Variants in RAB11FIP3 observed in about 807,000 individuals in gnomAD.
RAB11FIP3 encodes the protein rab11 family-interacting protein 3.
In RAB11FIP3, 17 loss-of-function variants were observed where a neutral mutation model predicts 77.8. The observed-to-expected ratio is 0.22, with a 90% CI of 0.15 to 0.33. The LOEUF (loss-of-function observed/expected upper bound fraction) is 0.33. Among genes scored for constraint, RAB11FIP3 ranks in the 10% least tolerant of loss-of-function variants. The pLI, the probability that RAB11FIP3 is intolerant of heterozygous loss-of-function variation, is 1.00. For missense variants in RAB11FIP3, 1,005 were observed against 1,011.2 expected (o/e 0.99, Z 0.08); for synonymous variants, 437 against 448.2 (o/e 0.98, Z 0.31).
At chr16:443,221 T>C (rs1419672893) in intron 1 of RAB11FIP3, among the ~76,000 whole-genome samples, 3 of 152,146 alleles carry the variant, frequency 2.0e-5, no homozygotes, top group African/African-American at 4.8e-5. Context: ...AGGAGGAGTC[T>C]TGGCATTTGG....
In RAB11FIP3 at chr16:520,770, G is replaced by A. The variant is rs138947628; in HGVS notation, c.2202G>A (p.Leu734=). Residue 734 remains leucine, a synonymous_variant, in exon 14 of 14, where the codon CTG becomes CTA. Coordinates refer to ENST00000262305, the MANE Select transcript of RAB11FIP3 (RefSeq NM_014700.4). ...IQKQEEINFR[L]QDYIDRIIVA... ...AGCAGGAGGAGATCAACTTCCGCCT[G>A]CAGGACTACATCGACAGGATCATCG... The A allele has an allele frequency of 1.2e-4, 192 of 1,613,708 alleles. No individual in the cohort carries two copies. The highest frequency in any genetic ancestry group is 1.5e-4 in the Non-Finnish European group (181 of 1,180,042).
At position 520,708 on chromosome 16, in the gene RAB11FIP3, C is replaced by T. The variant is rs1401143951; in HGVS notation, c.2158-18C>T. 4 of 1,613,312 alleles carry T rather than the reference C, an allele frequency of 2.5e-6. No homozygotes were observed. The highest frequency in any genetic ancestry group is 3.4e-6 in the Non-Finnish European group (4 of 1,179,810). ...GTGGCCCATGCGCCTCAGCTCTGAC[C>T]ACCTGCTTGCCCTACAGCTCATGGA... On this transcript the variant is annotated intron_variant, in intron 13 of 13. Coordinates refer to ENST00000262305, the MANE Select transcript of RAB11FIP3 (RefSeq NM_014700.4).
chr16:462,665 G>GTCCCTTCCCCAGCACCA (rs2055630579), intron 2 of RAB11FIP3, among the ~76,000 whole-genome samples: 1 of 30,228 alleles, frequency 3.3e-5, no homozygotes, highest in African/African-American at 1.4e-4. Context: ...CCGCAGCACC[G>GTCCCTTCCCCAGCACCA]TCCCTTCCCC....
At chr16:498,548 T>A (rs1030572875) in intron 6 of RAB11FIP3, among the ~76,000 whole-genome samples, 9 of 152,138 alleles carry the variant, frequency 5.9e-5, no homozygotes, top group Non-Finnish European at 1.3e-4. Flanking sequence ...ACAGTCTTGC[T>A]CTGTCTTGCT....
At chr16:431,778 A>T (rs1203082636) in intron 1 of RAB11FIP3, among the ~76,000 whole-genome samples, 2 of 148,678 alleles carry the variant, frequency 1.3e-5, no homozygotes, top group Admixed American at 6.7e-5. Flanking sequence ...TTTTTTTGAG[A>T]TGGAGTCTCG....
In RAB11FIP3 at chr16:425,895, C is replaced by A. The variant is rs1289799731; in HGVS notation, c.-112C>A. On this transcript the variant is annotated 5_prime_UTR_variant, in exon 1 of 14. Coordinates refer to ENST00000262305, the MANE Select transcript of RAB11FIP3 (RefSeq NM_014700.4). ...CGAGCGCCAGCCCCAGCAGCCCGGG[C>A]GCCCCGCGCGCGCCCGCCCGCGCCG... 4.7e-6 allele frequency: 1 copy of A among 214,276 alleles called. No homozygotes were observed. Among genetic ancestry groups the A allele is most frequent in the Non-Finnish European group, 8.1e-6 (1 of 123,314 alleles). The allele number at this position is 214,276 out of a possible 1,614,324, so 13.3% of individuals were successfully genotyped here.
chr16:489,577 C>T (rs2029985273), intron 5 of RAB11FIP3, among the ~76,000 whole-genome samples: 3 of 152,276 alleles, frequency 2.0e-5, no homozygotes, highest in African/African-American at 4.8e-5. Context: ...CCCTCTAGGA[C>T]GCTCCTGACT....
At chr16:482,879 C>T (rs2056074957) in intron 4 of RAB11FIP3, 143 bp downstream of exon 4, 2 of 872,988 alleles carry the variant, frequency 2.3e-6, no homozygotes, top group Non-Finnish European at 3.5e-6. Context: ...CCTGCAGTAG[C>T]TCCTGACCTT....
intron 5 of RAB11FIP3, among the ~76,000 whole-genome samples, chr16:492,509 C>T (rs1366709130): frequency 8.4e-6 from 1 of 119,576 alleles, no homozygotes; most frequent in Non-Finnish European, 2.0e-5. Flanking sequence ...CGAGGCCGCC[C>T]AGGGCCCTCC....
chr16:429,524 C>G (rs1273219461), intron 1 of RAB11FIP3, among the ~76,000 whole-genome samples: 1 of 149,414 alleles, frequency 6.7e-6, no homozygotes, highest in Non-Finnish European at 1.5e-5. Context: ...GAGATGGAGT[C>G]TCGCCTGCTC....
At chr16:440,644 C>T (rs1202221907) in intron 1 of RAB11FIP3, among the ~76,000 whole-genome samples, 1 of 152,236 alleles carries the variant, frequency 6.6e-6, no homozygotes, top group African/African-American at 2.4e-5. Context: ...GTCAGTGATG[C>T]ATCTTCCTCA....
intron 5 of RAB11FIP3, chr16:491,165 A>G (rs2030148925): frequency 1.5e-6 from 2 of 1,303,918 alleles, no homozygotes; most frequent in South Asian, 2.5e-5. Context: ...GCTGCACAGC[A>G]TCCTCACTGA....
chr16:492,394 C>CCCCGGAGACCCGAGGCCGCCCAGAGCCCT (rs2030468698), intron 5 of RAB11FIP3, among the ~76,000 whole-genome samples: 1 of 32,120 alleles, frequency 3.1e-5, no homozygotes, highest in Non-Finnish European at 6.7e-5. Context: ...CCAGAGCCCT[C>CCCCGGAGACCCGAGGCCGCCCAGAGCCCT]CCCGGGAGAC....
rs2032756030 is a variant in RAB11FIP3, at chr16:522,864, A to AAG, written c.*2028_*2029dup. ...GTCAAAACGTCCCCGGGATTAAGAG[A>AAG]AGAGTGGGGGGCAGGGCGCAGAGGC... On this transcript the variant is annotated 3_prime_UTR_variant, in exon 14 of 14. Transcript: ENST00000262305. 6.6e-6 allele frequency: 1 copy of AAG among 152,228 alleles called. No homozygotes were observed. Among genetic ancestry groups the AAG allele is most frequent in the Non-Finnish European group, 1.5e-5 (1 of 68,104 alleles). 9.4% of individuals were successfully genotyped at this position (152,228 alleles called of 1,614,324 possible). A position where few individuals can be genotyped will look rare whatever the true frequency, so the allele number is the denominator to read the frequency against.
In RAB11FIP3 at chr16:521,973, C is replaced by T. The variant is rs1007342709; in HGVS notation, c.*1134C>T. ...AGGACCGCGGGCCTGCCCCAACCCC[C>T]AGCATTCCCGGGTGGGCCCAGACCC... On this transcript the variant is annotated 3_prime_UTR_variant, in exon 14 of 14. Coordinates refer to ENST00000262305, the MANE Select transcript of RAB11FIP3 (RefSeq NM_014700.4). The T allele has an allele frequency of 6.6e-6, 1 of 151,664 alleles. No homozygotes were observed. Among genetic ancestry groups the T allele is most frequent in the African/African-American group, 2.4e-5 (1 of 41,000 alleles). 9.4% of individuals were successfully genotyped at this position (151,664 alleles called of 1,614,324 possible). A position where few individuals can be genotyped will look rare whatever the true frequency, so the allele number is the denominator to read the frequency against.
chr16:469,679 C>G (rs1261576949), intron 2 of RAB11FIP3, among the ~76,000 whole-genome samples: 1 of 152,202 alleles, frequency 6.6e-6, no homozygotes, highest in Non-Finnish European at 1.5e-5. Context: ...CGTGAGCCAC[C>G]ACACCCGGCC....
At position 467,614 on chromosome 16, in the gene RAB11FIP3, GTCAGGGAGGAGGTGCTGGGGCC is replaced by G. The variant is rs1567373824; in HGVS notation, c.809-3643_809-3622del. ...GGCCTCAGGGAGGAGGTGCTGGGGC[GTCAGGGAGGAGGTGCTGGGGCC>G]TCAGGGAGGAGGTGCTGGGGCCTCA... is the stretch of plus-strand genomic sequence containing the variant. On this transcript the variant is annotated intron_variant, in intron 2 of 13. Transcript: ENST00000262305. Among the ~76,000 whole-genome samples, 122 of 108,262 alleles carry G rather than the reference GTCAGGGAGGAGGTGCTGGGGCC, an allele frequency of 1.1e-3. 2 individuals are homozygous for G. The highest frequency in any genetic ancestry group is 3.0e-3 in the African/African-American group (74 of 24,282). 71.0% of individuals were successfully genotyped at this position (108,262 alleles called of 152,430 possible).
intron 3 of RAB11FIP3, among the ~76,000 whole-genome samples, chr16:473,274 A>G (rs1042970229): frequency 6.6e-6 from 1 of 152,214 alleles, no homozygotes; most frequent in African/African-American, 2.4e-5. Context: ...GACATGTCAG[A>G]GCTAATCCTT....
intron 1 of RAB11FIP3, among the ~76,000 whole-genome samples, chr16:459,719 C>T (rs553941244): frequency 6.6e-5 from 10 of 152,190 alleles, no homozygotes; most frequent in East Asian, 1.9e-4. Context: ...CAGGCGTGAG[C>T]CACAAGGCAC....
Sources: gnomAD v4.1 joint callset for allele counts (sites outside exome capture counted in the v4.1 genomes callset) on GRCh38, gnomAD v4.1.1 for gene constraint, MANE v1.5 for transcripts, NCBI Gene and HGNC (gene_info 2026-07-23, HGNC 2026-07-21) for gene names.